The following MME variants were observed in gnomAD, a reference collection of about 807,000 sequenced individuals.
MME encodes the protein neprilysin.
A neutral mutation model predicts 113.2 loss-of-function variants in MME; 98 were observed. The ratio of observed to expected loss-of-function variants is 0.87; its 90% confidence interval spans 0.74 to 1.02. The LOEUF is 1.02. MME is among the 50% of genes least tolerant of loss of function. The pLI is 0.00. For missense variants in MME, 836 were observed against 896.0 expected (o/e 0.93, Z 0.86); for synonymous variants, 292 against 300.6 (o/e 0.97, Z 0.30).
At chr3:155,113,997 T>A (rs16824569) in intron 3 of MME, among the ~76,000 whole-genome samples, 1 of 152,288 alleles carries the variant, frequency 6.6e-6, no homozygotes, top group East Asian at 1.9e-4. Flanking sequence ...ATGTTTACCA[T>A]ACCAAGTTTA....
chr3:155,093,170 T>C (rs956760551), intron 3 of MME, among the ~76,000 whole-genome samples: 1 of 152,206 alleles, frequency 6.6e-6, no homozygotes, highest in African/African-American at 2.4e-5. Flanking sequence ...GTTGAGTCCA[T>C]TGAGCTCCAT....
At chr3:155,111,963 T>C (rs1718227684) in intron 3 of MME, among the ~76,000 whole-genome samples, 1 of 152,208 alleles carries the variant, frequency 6.6e-6, no homozygotes, top group South Asian at 2.1e-4. Context: ...TAATCCTCTA[T>C]GTATTTAGGA....
upstream of MME, among the ~76,000 whole-genome samples, chr3:155,075,805 A>G (rs9833858): frequency 0.94 from 143,039 of 152,282 alleles, 67,255 homozygotes; most frequent in African/African-American, 0.98. Flanking sequence ...ACAGGTGCAC[A>G]CCACCAGGCC....
intron 3 of MME, among the ~76,000 whole-genome samples, chr3:155,091,924 G>A (rs1461519093): frequency 6.6e-6 from 1 of 152,050 alleles, no homozygotes; most frequent in Admixed American, 6.6e-5. Flanking sequence ...CATCCTAGAT[G>A]GGCCACATAT....
rs948714709 is a variant in MME, at chr3:155,146,387, A to C, written c.1417-757A>C. On this transcript the variant is annotated intron_variant, in intron 14 of 22. Transcript: ENST00000360490. Reference sequence around the variant, plus strand: ...CAAAAAATACAAAAATTATCTGGGCATGGTGGTGCATGCCTGTAGTCCCAG... The same window carrying C: ...CAAAAAATACAAAAATTATCTGGGCCTGGTGGTGCATGCCTGTAGTCCCAG... 6.6e-5 allele frequency among the ~76,000 whole-genome samples: 10 copies of C among 151,968 alleles called. No homozygotes were observed. In the East Asian group the frequency reaches 1.9e-3, roughly 30 times the overall value.
intron 3 of MME, among the ~76,000 whole-genome samples, chr3:155,087,727 A>G (rs1231634807): frequency 1.3e-5 from 2 of 151,648 alleles, no homozygotes; most frequent in African/African-American, 4.8e-5. Context: ...CTTTTCCTTG[A>G]ATTTTATTTT....
At chr3:155,147,035 T>C in intron 14 of MME, 109 bp from the exon 15 acceptor site, 1 of 741,118 alleles carries the variant, frequency 1.3e-6, no homozygotes, top group Non-Finnish European at 2.4e-6. Flanking sequence ...GACACTCATT[T>C]TATGAACAGT....
intron 14 of MME, among the ~76,000 whole-genome samples, chr3:155,144,776 T>C (rs1198234044): frequency 5.9e-5 from 9 of 152,304 alleles, no homozygotes; most frequent in African/African-American, 1.9e-4. Flanking sequence ...TAACTATTCA[T>C]GCCCACCCAT....
intron 22 of MME, among the ~76,000 whole-genome samples, chr3:155,175,594 T>C (rs1188591274): frequency 2.0e-5 from 3 of 152,060 alleles, no homozygotes; most frequent in Non-Finnish European, 4.4e-5. Context: ...CTGATAATTT[T>C]GTAAAGCAAG....
At chr3:155,076,513 G>A (rs371936583), upstream of MME, among the ~76,000 whole-genome samples, 18 of 152,056 alleles carry the variant, frequency 1.2e-4, no homozygotes, top group East Asian at 3.9e-4. Flanking sequence ...TTTTTTTGTC[G>A]GTATTACAAG....
At chr3:155,055,186 C>A (rs535926102) in intron 1 of MME, among the ~76,000 whole-genome samples, 2 of 151,962 alleles carry the variant, frequency 1.3e-5, no homozygotes, top group African/African-American at 4.8e-5. Flanking sequence ...GGAAAAAAAA[C>A]GATTATATGC....
intron 8 of MME, among the ~76,000 whole-genome samples, chr3:155,136,354 G>T (rs1720633625): frequency 6.6e-6 from 1 of 152,118 alleles, no homozygotes; most frequent in Non-Finnish European, 1.5e-5. Context: ...TATTATGAAA[G>T]GACATTGGGT....
At chr3:155,087,282 A>AT (rs1715848868) in intron 3 of MME, among the ~76,000 whole-genome samples, 3 of 97,402 alleles carry the variant, frequency 3.1e-5, no homozygotes, top group Admixed American at 1.1e-4. Context: ...TTTTTGATGG[A>AT]TTTTTTTGCT....
chr3:155,147,019 A>T (rs1721567710), intron 14 of MME, 125 bp from the exon 15 acceptor site: 2 of 685,852 alleles, frequency 2.9e-6, no homozygotes, highest in Non-Finnish European at 5.3e-6. Context: ...CTGTTTAAGT[A>T]TGTCAGACAC....
intron 22 of MME, among the ~76,000 whole-genome samples, chr3:155,177,897 C>G (rs1051891542): frequency 6.6e-6 from 1 of 152,106 alleles, no homozygotes; most frequent in Non-Finnish European, 1.5e-5. Context: ...CCACCGTGGT[C>G]ACTGCTGAGA....
At chr3:155,128,486 G>A (rs1001422993) in intron 8 of MME, among the ~76,000 whole-genome samples, 4 of 152,132 alleles carry the variant, frequency 2.6e-5, no homozygotes, top group Non-Finnish European at 5.9e-5. Context: ...ACCTTCAGTA[G>A]AGGAGTTATA....
At chr3:155,053,697 G>A (rs1259708121) in intron 1 of MME, among the ~76,000 whole-genome samples, 1 of 152,176 alleles carries the variant, frequency 6.6e-6, no homozygotes, top group African/African-American at 2.4e-5. Context: ...AAGGCCACCA[G>A]ATTTCTGGGA....
At position 155,138,759 on chromosome 3, in the gene MME, C is replaced by T. The variant is rs75811573; in HGVS notation, c.855+523C>T. ...TAAGACAATAATTTTGCAACAAAGC[C>T]CAAGGAGTGTATTCCTGAATTTCTT... is the stretch of plus-strand genomic sequence containing the variant. On this transcript the variant is annotated intron_variant, in intron 9 of 22. Transcript: ENST00000360490. 3.5e-4 allele frequency among the ~76,000 whole-genome samples: 54 copies of T among 152,194 alleles called. No homozygotes were observed. The East Asian group carries it at 6.0e-3, about 17-fold the overall frequency.
rs147927540 is a variant in MME, at chr3:155,108,552, C to T, written c.197-6442C>T. ...CAGAGGTTGCAGTGAGCAGATATCG[C>T]GCCATTGCACTGCAGCCTGGGGGAC... On this transcript the variant is annotated intron_variant, in intron 3 of 22. Transcript: ENST00000360490. Among the ~76,000 whole-genome samples, 200 of 151,296 alleles carry T rather than the reference C, an allele frequency of 1.3e-3. 1 individual carries two copies. Among genetic ancestry groups the T allele is most frequent in the Admixed American group, 2.2e-3 (33 of 15,186 alleles).
Sources: allele counts gnomAD v4.1 joint callset (sites outside exome capture counted in the v4.1 genomes callset), GRCh38; gene constraint gnomAD v4.1.1; transcripts MANE v1.5; gene names NCBI Gene and HGNC (gene_info 2026-07-23, HGNC 2026-07-21).